Variants in KHDC1L observed in about 807,000 individuals in gnomAD.
The protein encoded by KHDC1L is KH domain containing 1 like, also known as KHDC1-like protein.
Under a neutral mutation model 11.2 loss-of-function variants are expected in KHDC1L, and 5 were observed. That is an observed-to-expected ratio of 0.45 (90% confidence interval 0.23 to 0.94). KHDC1L has a LOEUF of 0.94. KHDC1L is among the 40% of genes least tolerant of loss of function. KHDC1L has a pLI of 0.22. For missense variants in KHDC1L, 168 were observed against 165.8 expected, an observed-to-expected ratio of 1.01 and a Z score of -0.07; for synonymous variants, 66 against 62.7, an observed-to-expected ratio of 1.05 and a Z score of -0.25.
rs933317433 is a variant in KHDC1L at position 73,223,743 on chromosome 6, G to A, written c.*5C>T. ...TCTCCTCTCATCCCCTCTTCCCAGG[G>A]GAGATCAGTCTCCGGTGTACGGTGG... On this transcript the variant is annotated 3_prime_UTR_variant, in exon 3 of 3. Coordinates refer to ENST00000370388, the MANE Select transcript of KHDC1L (RefSeq NM_001126063.3). The A allele has an allele frequency of 2.3e-5, 36 of 1,599,700 alleles. No homozygotes were observed. Among genetic ancestry groups the A allele is most frequent in the Non-Finnish European group, 2.9e-5 (34 of 1,172,676 alleles).
Position 73,223,646 on chromosome 6 carries a change from C to CA in KHDC1L, c.*101dup, listed in dbSNP as rs1766303730. On this transcript the variant is annotated 3_prime_UTR_variant, in exon 3 of 3. Transcript: ENST00000370388. ...ACATGCCTAGAAGGCCTGAGAGGGG[C>CA]AGGTCTGGCCACAAATTCAAACTTT... is the stretch of plus-strand genomic sequence containing the variant. 4 of 900,578 alleles carry CA rather than the reference C, an allele frequency of 4.4e-6. No individual in the cohort carries two copies. Among genetic ancestry groups the CA allele is most frequent in the Admixed American group, 2.2e-5 (1 of 45,612 alleles). 55.8% of individuals were successfully genotyped at this position (900,578 alleles called of 1,614,324 possible). A position where few individuals can be genotyped will look rare whatever the true frequency, so the allele number is the denominator to read the frequency against.
At chr6:73,224,041 C>G in intron 2 of KHDC1L, 125 bp downstream of exon 2, 1 of 1,221,546 alleles carries the variant, frequency 8.2e-7, no homozygotes, top group East Asian at 2.6e-5. Context: ...TCCCAATGGA[C>G]TCTGGGAAGC....
At position 73,225,418 on chromosome 6, in the gene KHDC1L, C is replaced by A. The variant is rs752251599; in HGVS notation, c.-10G>T. The A allele has an allele frequency of 6.2e-7, 1 of 1,601,202 alleles. No homozygotes were observed. Among genetic ancestry groups the A allele is most frequent in the African/African-American group, 1.3e-5 (1 of 74,700 alleles). On this transcript the variant is annotated 5_prime_UTR_variant, in exon 1 of 3. Coordinates refer to ENST00000370388, the MANE Select transcript of KHDC1L (RefSeq NM_001126063.3). ...TCGTTCCCACGGCCATGCTGTGCTC[C>A]CACCTGATTCAGAATAGGGGAAAGT...
intron 1 of KHDC1L, among the ~76,000 whole-genome samples, chr6:73,224,979 A>C (rs1766334780): frequency 1.3e-5 from 2 of 148,656 alleles, no homozygotes; most frequent in South Asian, 4.3e-4. Context: ...GCTGTTCTGG[A>C]GGCTGAGGTG....
chr6:73,223,611 T>TC lies in KHDC1L; in HGVS notation c.*136dup, dbSNP rs1766303402. ...TAACACTTCTAACACTCAGGAGACT[T>TC]CCCTCAGACACATGCCTAGAAGGCC... On this transcript the variant is annotated 3_prime_UTR_variant, in exon 3 of 3. Transcript: ENST00000370388. 1 of 655,258 alleles carries TC rather than the reference T, an allele frequency of 1.5e-6. No homozygotes were observed. Among genetic ancestry groups the TC allele is most frequent in the South Asian group, 1.9e-5 (1 of 51,644 alleles). 40.6% of individuals were successfully genotyped at this position (655,258 alleles called of 1,614,324 possible).
At chr6:73,224,029 C>G in intron 2 of KHDC1L, 137 bp downstream of exon 2, 2 of 1,154,916 alleles carry the variant, frequency 1.7e-6, no homozygotes, top group South Asian at 1.6e-5. Flanking sequence ...GAGCCCTTCC[C>G]TTCCCAATGG....
At position 73,223,698 on chromosome 6, in the gene KHDC1L, C is replaced by G; in HGVS notation, c.*50G>C. On this transcript the variant is annotated 3_prime_UTR_variant, in exon 3 of 3. Coordinates refer to ENST00000370388, the MANE Select transcript of KHDC1L (RefSeq NM_001126063.3). ...TTCAGTGTTTTTCATGTCTTTCTCA[C>G]CAAAAGCGAAGCCAAGACTTCTCCT... 6.7e-7 allele frequency: 1 copy of G among 1,483,760 alleles called. No homozygotes were observed. Among genetic ancestry groups the G allele is most frequent in the Non-Finnish European group, 9.2e-7 (1 of 1,082,156 alleles). The allele number at this position is 1,483,760 out of a possible 1,614,324, so 91.9% of individuals were successfully genotyped here. A position where few individuals can be genotyped will look rare whatever the true frequency, so the allele number is the denominator to read the frequency against.
rs1407216280 is a variant in KHDC1L, at chr6:73,225,388, A to G, written c.21T>C (p.Ala7=). 6.2e-7 allele frequency: 1 copy of G among 1,614,016 alleles called. No individual in the cohort carries two copies. Among genetic ancestry groups the G allele is most frequent in the Non-Finnish European group, 8.5e-7 (1 of 1,179,898 alleles). The change falls in exon 1 of 3, where the codon GCT becomes GCC. Residue 7 remains alanine, a synonymous_variant. Coordinates refer to ENST00000370388, the MANE Select transcript of KHDC1L (RefSeq NM_001126063.3). The stretch of plus-strand genomic sequence containing the variant: ...GGGTCCACCACGGCTCCTTGCTGAG[A>G]GCACTCGTTCCCACGGCCATGCTGT... MAVGTS[A]LSKEPWWTLP...
rs1486979229 is a variant in KHDC1L, at chr6:73,223,766, T to C, written c.369A>G (p.Pro123=). The C allele has an allele frequency of 6.2e-6, 10 of 1,607,336 alleles. No homozygotes were observed. The highest frequency in any genetic ancestry group is 1.1e-5 in the South Asian group (1 of 89,180). The change falls in exon 3 of 3, where the codon CCA becomes CCG. Residue 123 remains proline, a synonymous_variant. Transcript: ENST00000370388. ...GGGGAGATCAGTCTCCGGTGTACGG[T>C]GGCAGGCTAACGGAGGTGACCAGGT... ...NDDLVTSVSL[P]PYTGD is the part of the protein sequence containing the mutation.
intron 1 of KHDC1L, 84 bp downstream of exon 1, chr6:73,225,212 AG>A (rs1766340577): frequency 7.9e-7 from 1 of 1,271,052 alleles, no homozygotes; most frequent in African/African-American, 1.5e-5. Context: ...CGTTGCAGTG[AG>A]CCAAGATCAC....
Position 73,223,767 on chromosome 6 carries a change from G to A in KHDC1L, c.368C>T (p.Pro123Leu). The A allele has an allele frequency of 1.2e-6, 2 of 1,607,468 alleles. No homozygotes were observed. The change falls in exon 3 of 3, where the codon CCA (proline) becomes CTA (leucine). Residue 123 changes from proline (P) to leucine (L), a missense_variant. By Grantham distance (98) the Pro-to-Leu change is moderately conservative (BLOSUM62 -3). Transcript: ENST00000370388. ...NDDLVTSVSL[P>L]PYTGD ...GGGAGATCAGTCTCCGGTGTACGGT[G>A]GCAGGCTAACGGAGGTGACCAGGTC... is the stretch of plus-strand genomic sequence containing the variant.
At chr6:73,224,119 TCCA>T (rs1766312572) in intron 2 of KHDC1L, 44 bp downstream of exon 2, 1 of 1,499,246 alleles carries the variant, frequency 6.7e-7, no homozygotes, top group Non-Finnish European at 8.9e-7. Flanking sequence ...CAGCCAGAAC[TCCA>T]CCATCAAGCC....
intron 2 of KHDC1L, 116 bp downstream of exon 2, chr6:73,224,050 G>T: frequency 7.9e-7 from 1 of 1,258,632 alleles, no homozygotes. Context: ...ACTCTGGGAA[G>T]CACCTGGATT....
chr6:73,224,431 G>T, intron 1 of KHDC1L, 83 bp from the exon 2 acceptor site: 1 of 1,199,252 alleles, frequency 8.3e-7, no homozygotes, highest in Non-Finnish European at 1.2e-6. Context: ...GTAGGGATGT[G>T]TGACTCATGA....
chr6:73,224,269 T>G lies in KHDC1L; in HGVS notation c.192A>C (p.Thr64=), dbSNP rs1405405927. Residue 64 remains threonine, a synonymous_variant, in exon 2 of 3, where the codon ACA becomes ACC. Coordinates refer to ENST00000370388, the MANE Select transcript of KHDC1L (RefSeq NM_001126063.3). ...LIQLERCFTA[T]GQTRVTVVGP... The stretch of plus-strand genomic sequence containing the variant: ...CGACTACAGTCACACGTGTCTGGCC[T>G]GTAGCTGTGAAACACCTCTCCAGCT... The G allele has an allele frequency of 1.9e-6, 3 of 1,596,108 alleles. No individual in the cohort carries two copies. Among genetic ancestry groups the G allele is most frequent in the South Asian group, 2.3e-5 (2 of 87,688 alleles).
At chr6:73,224,446 GGGA>G (rs1309176747) in intron 1 of KHDC1L, 98 bp from the exon 2 acceptor site, 1 of 986,634 alleles carries the variant, frequency 1.0e-6, no homozygotes, top group African/African-American at 1.6e-5. Flanking sequence ...TCATGAAGGT[GGGA>G]GGAGAGGGGA....
intron 1 of KHDC1L, 147 bp from the exon 2 acceptor site, chr6:73,224,495 C>G: frequency 1.5e-6 from 1 of 684,016 alleles, no homozygotes; most frequent in South Asian, 2.1e-5. Flanking sequence ...AGGAGGCCGG[C>G]CTAGCGCAGT....
Position 73,223,632 on chromosome 6 carries a change from A to G in KHDC1L, c.*116T>C, listed in dbSNP as rs1416124910. On this transcript the variant is annotated 3_prime_UTR_variant, in exon 3 of 3. Coordinates refer to ENST00000370388, the MANE Select transcript of KHDC1L (RefSeq NM_001126063.3). Reference sequence around the variant, plus strand: ...GACTTCCCTCAGACACATGCCTAGAAGGCCTGAGAGGGGCAGGTCTGGCCA... The same window carrying G: ...GACTTCCCTCAGACACATGCCTAGAGGGCCTGAGAGGGGCAGGTCTGGCCA... The G allele has an allele frequency of 3.2e-5, 24 of 754,182 alleles. No individual in the cohort carries two copies. In the East Asian group the frequency reaches 6.5e-4, roughly 20 times the overall value. The allele number at this position is 754,182 out of a possible 1,614,324, so 46.7% of individuals were successfully genotyped here.
At position 73,224,247 on chromosome 6, in the gene KHDC1L, C is replaced by T. The variant is rs1766315068; in HGVS notation, c.214G>A (p.Val72Ile). The change falls in exon 2 of 3, where the codon GTC becomes ATC. Residue 72 changes from valine to isoleucine, a missense_variant. Val to Ile is a conservative substitution (Grantham distance 29, BLOSUM62 3). Coordinates refer to ENST00000370388, the MANE Select transcript of KHDC1L (RefSeq NM_001126063.3). ...CACTGCTTTGCCATTGGTGGTCCGA[C>T]TACAGTCACACGTGTCTGGCCTGTA... is the stretch of plus-strand genomic sequence containing the variant. Reference protein sequence around the residue: ...TATGQTRVTVVGPPMAKQWLL... With the variant: ...TATGQTRVTVIGPPMAKQWLL... 6.3e-7 allele frequency: 1 copy of T among 1,585,292 alleles called. No individual in the cohort carries two copies. Among genetic ancestry groups the T allele is most frequent in the Admixed American group, 1.8e-5 (1 of 55,630 alleles).
Sources: allele counts gnomAD v4.1 joint callset (sites outside exome capture counted in the v4.1 genomes callset), GRCh38; gene constraint gnomAD v4.1.1; transcripts MANE v1.5; gene names NCBI Gene and HGNC (gene_info 2026-07-23, HGNC 2026-07-21).